Variants in ESYT2 observed in about 807,000 individuals in gnomAD.
The protein encoded by ESYT2 is extended synaptotagmin-2.
Under a neutral mutation model 107.2 loss-of-function variants are expected in ESYT2, and 54 were observed. The observed-to-expected ratio is 0.50, with a 90% CI of 0.40 to 0.63. The LOEUF (loss-of-function observed/expected upper bound fraction) is 0.63, where lower values mean the gene tolerates loss of function less well. Among genes scored for constraint, ESYT2 ranks in the 30% least tolerant of loss-of-function variants. The pLI, the probability that ESYT2 is intolerant of heterozygous loss-of-function variation, is 0.00. For synonymous variants in ESYT2, 491 were observed against 434.1 expected (o/e 1.13, Z -1.63); for missense variants, 1,020 against 1,094.5 (o/e 0.93, Z 0.96).
chr7:158,827,624 T>G (rs566533879), intron 1 of ESYT2: 2 of 152,322 alleles, frequency 1.3e-5, no homozygotes, highest in East Asian at 3.9e-4. Flanking sequence ...CATTATATTC[T>G]TACTCCAGTT....
At chr7:158,773,478 T>C (rs1317459169) in intron 6 of ESYT2, 82 bp from the exon 7 acceptor site, 6 of 1,379,612 alleles carry the variant, frequency 4.3e-6, no homozygotes, top group African/African-American at 4.3e-5. Context: ...TGTTTCTTTG[T>C]AGACAAAATG....
intron 3 of ESYT2, among the ~76,000 whole-genome samples, chr7:158,796,517 A>G (rs964662031): frequency 3.3e-5 from 5 of 152,214 alleles, no homozygotes; most frequent in African/African-American, 9.6e-5. Flanking sequence ...TTTAGCATGA[A>G]TTCACATATC....
chr7:158,748,310 G>A, intron 15 of ESYT2, 30 bp from the exon 16 acceptor site: 4 of 1,552,290 alleles, frequency 2.6e-6, no homozygotes, highest in Middle Eastern at 1.7e-4. Flanking sequence ...TATTAGCTCT[G>A]ATATTTTCTG....
chr7:158,784,864 G>A (rs950657521), intron 6 of ESYT2, among the ~76,000 whole-genome samples: 2 of 152,162 alleles, frequency 1.3e-5, no homozygotes, highest in African/African-American at 2.4e-5. Flanking sequence ...TCCGCATTGG[G>A]CTGGAAGACT....
Position 158,743,806 on chromosome 7 carries a change from T to C in ESYT2, c.1645-128A>G, listed in dbSNP as rs1314812350. 1.1e-5 allele frequency: 12 copies of C among 1,112,594 alleles called. No homozygotes were observed. In the Admixed American group the frequency reaches 4.2e-4, roughly 39 times the overall value. The allele number at this position is 1,112,594 out of a possible 1,614,324, so 68.9% of individuals were successfully genotyped here. ...TTAGAAAATGTAGAAAGGGGCCAGGTGGGGTGGCTCACGCCTGTAATTTCA... is the reference window on the plus strand; with the variant it reads ...TTAGAAAATGTAGAAAGGGGCCAGGCGGGGTGGCTCACGCCTGTAATTTCA... On this transcript the variant is annotated intron_variant, in intron 16 of 22. Coordinates refer to ENST00000275418, the MANE Select transcript of ESYT2 (RefSeq NM_001367773.1).
At chr7:158,767,936 A>G (rs1425279333) in intron 7 of ESYT2, among the ~76,000 whole-genome samples, 162 bp from the exon 8 acceptor site, 1 of 152,188 alleles carries the variant, frequency 6.6e-6, no homozygotes, top group Admixed American at 6.5e-5. Context: ...CTGCATTTCA[A>G]TTCTTTAGCT....
rs145767707 is a variant in ESYT2, at chr7:158,748,384, T to A, written c.1558-104A>T. The A allele has an allele frequency of 9.7e-4, 934 of 961,010 alleles. 11 individuals carry two copies. In the African/African-American group the frequency reaches 0.014, roughly 15 times the overall value. 59.5% of individuals were successfully genotyped at this position (961,010 alleles called of 1,614,324 possible). A position where few individuals can be genotyped will look rare whatever the true frequency, so the allele number is the denominator to read the frequency against. ...GAATGAAAAATAAAAAGAAAATAAA[T>A]AAAACAAAAAACTAGAAGCTTAGGT... On this transcript the variant is annotated intron_variant, in intron 15 of 22. Coordinates refer to ENST00000275418, the MANE Select transcript of ESYT2 (RefSeq NM_001367773.1).
intron 6 of ESYT2, among the ~76,000 whole-genome samples, chr7:158,782,867 A>T (rs1223314101): frequency 6.6e-6 from 1 of 152,146 alleles, no homozygotes; most frequent in Non-Finnish European, 1.5e-5. Flanking sequence ...AGAGAGAACG[A>T]GTGTGTGGGA....
intron 6 of ESYT2, among the ~76,000 whole-genome samples, chr7:158,778,847 C>T: frequency 7.0e-6 from 1 of 143,750 alleles, no homozygotes. Context: ...GCTGGCTTCA[C>T]TTTTTTTTTT....
chr7:158,801,773 G>A (rs527326394), intron 1 of ESYT2, among the ~76,000 whole-genome samples: 1 of 152,100 alleles, frequency 6.6e-6, no homozygotes, highest in East Asian at 1.9e-4. Context: ...GACACCACCC[G>A]CAAAAATCTC....
chr7:158,765,241 A>G (rs1838115761), intron 8 of ESYT2, among the ~76,000 whole-genome samples: 1 of 152,180 alleles, frequency 6.6e-6, no homozygotes, highest in African/African-American at 2.4e-5. Flanking sequence ...GGCTGGTGAC[A>G]CAGGCCACCC....
At chr7:158,735,028 G>A (rs1235420265) in intron 21 of ESYT2, among the ~76,000 whole-genome samples, 5 of 152,290 alleles carry the variant, frequency 3.3e-5, no homozygotes, top group African/African-American at 4.8e-5. Context: ...GAATATCAGC[G>A]GAGATGACTC....
intron 1 of ESYT2, among the ~76,000 whole-genome samples, chr7:158,820,069 A>G (rs574688649): frequency 1.3e-5 from 2 of 152,364 alleles, no homozygotes; most frequent in South Asian, 2.1e-4. Flanking sequence ...TCATCTAGAC[A>G]CTGCCGTAAT....
intron 4 of ESYT2, among the ~76,000 whole-genome samples, chr7:158,791,438 TAC>T (rs1363779014): frequency 3.3e-5 from 5 of 152,252 alleles, no homozygotes; most frequent in African/African-American, 1.2e-4. Flanking sequence ...TTCGGGTATG[TAC>T]ACAGAGGCGG....
At chr7:158,735,649 G>C (rs1836911652) in intron 20 of ESYT2, 41 bp from the exon 21 acceptor site, 2 of 1,536,568 alleles carry the variant, frequency 1.3e-6, no homozygotes, top group South Asian at 2.3e-5. Context: ...CCATCATTCT[G>C]CTGTATTTTC....
chr7:158,813,314 C>G (rs569635060), intron 1 of ESYT2, among the ~76,000 whole-genome samples: 2 of 152,286 alleles, frequency 1.3e-5, no homozygotes, highest in South Asian at 4.1e-4. Context: ...AAAACTACTT[C>G]GTATGACATT....
At chr7:158,737,602 G>GCC (rs1837013612) in intron 19 of ESYT2, among the ~76,000 whole-genome samples, 1 of 152,128 alleles carries the variant, frequency 6.6e-6, no homozygotes, top group Admixed American at 6.6e-5. Context: ...AGCTGCACAG[G>GCC]CCCCCACATT....
chr7:158,756,167 G>A (rs777025812), intron 13 of ESYT2, among the ~76,000 whole-genome samples: 2 of 152,180 alleles, frequency 1.3e-5, no homozygotes, highest in Non-Finnish European at 2.9e-5. Context: ...AATGCAAAGC[G>A]CTATCACTGC....
At chr7:158,737,011 C>T (rs1297722677) in intron 20 of ESYT2, 37 bp downstream of exon 20, 2 of 1,608,932 alleles carry the variant, frequency 1.2e-6, no homozygotes, top group East Asian at 2.2e-5. Flanking sequence ...GTCACTTCAA[C>T]CGGGCAGTCT....
Sources: gnomAD v4.1 joint callset for allele counts (sites outside exome capture counted in the v4.1 genomes callset) on GRCh38, gnomAD v4.1.1 for gene constraint, MANE v1.5 for transcripts, NCBI Gene and HGNC (gene_info 2026-07-23, HGNC 2026-07-21) for gene names.